The following CSMD3 variants were observed in gnomAD, a reference collection of about 807,000 sequenced individuals.
The protein encoded by CSMD3 is CUB and Sushi multiple domains 3, also known as CUB and sushi domain-containing protein 3.
A neutral mutation model predicts 435.2 loss-of-function variants in CSMD3; 177 were observed. The observed-to-expected ratio is 0.41, with a 90% CI of 0.36 to 0.46. CSMD3 has a LOEUF of 0.46. CSMD3 is among the 20% of genes least tolerant of loss of function. The pLI is 0.34. For missense variants in CSMD3, 4,265 were observed against 4,504.6 expected (o/e 0.95, Z 1.52); for synonymous variants, 1,656 against 1,520.5 (o/e 1.09, Z -2.07).
chr8:113,298,869 G>A (rs1007522200), intron 2 of CSMD3, among the ~76,000 whole-genome samples: 2 of 152,110 alleles, frequency 1.3e-5, no homozygotes, highest in African/African-American at 4.8e-5. Context: ...CTAGAGCAGC[G>A]ATCTGCACAC....
intron 11 of CSMD3, among the ~76,000 whole-genome samples, chr8:112,845,956 G>A (rs897848844): frequency 2.6e-5 from 4 of 151,940 alleles, no homozygotes; most frequent in Admixed American, 2.0e-4. Flanking sequence ...GCCTGGAAAC[G>A]TAGGGGGAAA....
intron 1 of CSMD3, among the ~76,000 whole-genome samples, chr8:113,397,735 G>A (rs1371071789): frequency 1.3e-5 from 2 of 151,756 alleles, no homozygotes; most frequent in Non-Finnish European, 2.9e-5. Context: ...GGAGAATGGC[G>A]TGAACCCGGT....
intron 4 of CSMD3, among the ~76,000 whole-genome samples, chr8:113,163,519 TA>T (rs34583541): frequency 0.34 from 51,612 of 151,368 alleles, 9,632 homozygotes; most frequent in East Asian, 0.69. Context: ...ATTTTCTATA[TA>T]AAATGTGAAA....
chr8:112,981,178 C>T (rs946717145), intron 6 of CSMD3, among the ~76,000 whole-genome samples: 7 of 150,788 alleles, frequency 4.6e-5, no homozygotes, highest in African/African-American at 1.5e-4. Flanking sequence ...TACAATATAG[C>T]CTTGATTATA....
At chr8:113,163,340 G>A (rs572747481) in intron 4 of CSMD3, among the ~76,000 whole-genome samples, 2 of 151,938 alleles carry the variant, frequency 1.3e-5, no homozygotes, top group African/African-American at 2.4e-5. Flanking sequence ...GAAGATACAA[G>A]GATTCAGCAA....
chr8:113,414,811 C>G (rs761239157), intron 1 of CSMD3, among the ~76,000 whole-genome samples: 12 of 151,780 alleles, frequency 7.9e-5, no homozygotes, highest in Non-Finnish European at 1.5e-4. Flanking sequence ...TAATACAAAA[C>G]AAATAATTAG....
chr8:113,376,991 G>C (rs1030446967), intron 1 of CSMD3: 2 of 1,430,808 alleles, frequency 1.4e-6, no homozygotes, highest in African/African-American at 1.4e-5. Flanking sequence ...ATGACCAGCC[G>C]GGCCCGCAGC....
At chr8:112,732,698 TCA>T (rs2077100422) in intron 13 of CSMD3, among the ~76,000 whole-genome samples, 1 of 75,054 alleles carries the variant, frequency 1.3e-5, no homozygotes. Context: ...AGACTCCATC[TCA>T]AAAAAAAAAA....
chr8:112,663,993 G>A (rs1348582967), intron 17 of CSMD3, among the ~76,000 whole-genome samples: 1 of 152,086 alleles, frequency 6.6e-6, no homozygotes, highest in Non-Finnish European at 1.5e-5. Flanking sequence ...TGGGATGGCG[G>A]TGAAGTCTTT....
intron 6 of CSMD3, among the ~76,000 whole-genome samples, chr8:112,990,773 T>C (rs1198435234): frequency 6.6e-6 from 1 of 151,738 alleles, no homozygotes; most frequent in Non-Finnish European, 1.5e-5. Context: ...TACAGCAGAT[T>C]ATGACACAAG....
intron 11 of CSMD3, among the ~76,000 whole-genome samples, chr8:112,854,106 A>C (rs1214513266): frequency 6.6e-6 from 1 of 152,148 alleles, no homozygotes; most frequent in African/African-American, 2.4e-5. Context: ...TTCTTCATTA[A>C]TTTTTACTCT....
At chr8:113,184,862 A>G (rs532330112) in intron 3 of CSMD3, among the ~76,000 whole-genome samples, 4 of 152,216 alleles carry the variant, frequency 2.6e-5, no homozygotes, top group South Asian at 2.1e-4. Context: ...GGTGTTAACT[A>G]ATATTAGGTT....
chr8:112,730,559 G>T (rs1026550406), intron 13 of CSMD3, among the ~76,000 whole-genome samples: 15 of 151,728 alleles, frequency 9.9e-5, no homozygotes, highest in Middle Eastern at 3.2e-3. Flanking sequence ...CATTTGTTTG[G>T]GCTTAAAAAA....
At chr8:113,170,488 T>C (rs1205219087) in intron 4 of CSMD3, among the ~76,000 whole-genome samples, 1 of 152,144 alleles carries the variant, frequency 6.6e-6, no homozygotes, top group Admixed American at 6.6e-5. Context: ...TCTATATAGT[T>C]TGTATTTTTA....
At chr8:113,332,838 A>G (rs754494272) in intron 1 of CSMD3, among the ~76,000 whole-genome samples, 165 of 151,656 alleles carry the variant, frequency 1.1e-3, no homozygotes, top group Non-Finnish European at 1.7e-3. Context: ...AACAATTTGG[A>G]AAAAAAATTA....
In CSMD3 at chr8:112,291,614, G is replaced by A. The variant is rs1427738214; in HGVS notation, c.8870C>T (p.Thr2957Ile). Residue 2957 changes from threonine to isoleucine, a missense_variant, in exon 56 of 71, where the codon ACT becomes ATT. This residue lies in a region of CSMD3 where 3,255 missense variants were observed against 3,380.2 expected (regional missense o/e 0.96). Transcript: ENST00000297405. ...AGGATTGCAGTCATAGAATACCACA[G>A]TGCCGTAAGTAAAATTTCCATGTTC... ...KIEHGNFTYG[T>I]VVFYDCNPGY... 6.2e-7 allele frequency: 1 copy of A among 1,610,490 alleles called. No individual in the cohort carries two copies. The highest frequency in any genetic ancestry group is 8.5e-7 in the Non-Finnish European group (1 of 1,177,124).
rs778941835 is a variant in CSMD3 at position 112,975,948 on chromosome 8, A to T, written c.1231T>A (p.Ser411Thr). 6.2e-7 allele frequency: 1 copy of T among 1,613,962 alleles called. No homozygotes were observed. Among genetic ancestry groups the T allele is most frequent in the Non-Finnish European group, 8.5e-7 (1 of 1,179,950 alleles). The part of the protein sequence containing the change: ...LRNSGLDPNT[S>T]KDGLSPHPAD... ...GGATGAGGAGAGAGCCCGTCCTTGGACGTGTTGGGGTCCAGACCTGAATTT... is the reference window on the plus strand; with the variant it reads ...GGATGAGGAGAGAGCCCGTCCTTGGTCGTGTTGGGGTCCAGACCTGAATTT... The change falls in exon 7 of 71, where the codon TCC becomes ACC. Residue 411 changes from serine (S) to threonine (T), a missense_variant. Physicochemically the swap from Ser to Thr is moderately conservative, Grantham distance 58. This residue lies in a region of CSMD3 where 731 missense variants were observed against 755.4 expected (regional missense o/e 0.97). Transcript: ENST00000297405.
rs1444165658 is a variant in CSMD3 at position 112,975,952 on chromosome 8, G to A, written c.1227C>T (p.Asn409=). 6.2e-7 allele frequency: 1 copy of A among 1,614,038 alleles called. No homozygotes were observed. Among genetic ancestry groups the A allele is most frequent in the East Asian group, 2.2e-5 (1 of 44,864 alleles). The change falls in exon 7 of 71, where the codon AAC becomes AAT. Residue 409 remains asparagine, a synonymous_variant. Transcript: ENST00000297405. The stretch of plus-strand genomic sequence containing the variant: ...GAGGAGAGAGCCCGTCCTTGGACGT[G>A]TTGGGGTCCAGACCTGAATTTCTGA... ...TSLRNSGLDP[N]TSKDGLSPHP... is the part of the protein sequence containing the mutation.
chr8:112,498,654 A>C (rs1821616303), intron 30 of CSMD3, among the ~76,000 whole-genome samples: 1 of 152,120 alleles, frequency 6.6e-6, no homozygotes, highest in Non-Finnish European at 1.5e-5. Context: ...ATGTTTTATT[A>C]ATACTAATTT....
Sources: gnomAD v4.1 joint callset for allele counts (sites outside exome capture counted in the v4.1 genomes callset) on GRCh38, gnomAD v4.1.1 for gene constraint, gnomAD v4.1.1 regional missense constraint, MANE v1.5 for transcripts, NCBI Gene and HGNC (gene_info 2026-07-23, HGNC 2026-07-21) for gene names.